Variants in CDK7 observed in about 807,000 individuals in gnomAD.
CDK7 encodes the protein cyclin-dependent kinase 7.
Under a neutral mutation model 49.1 loss-of-function variants are expected in CDK7, and 25 were observed. The ratio of observed to expected loss-of-function variants is 0.51; its 90% CI spans 0.37 to 0.71. The LOEUF is 0.71. Ranked by LOEUF, CDK7 falls within the 30% of genes least tolerant of loss-of-function variation. CDK7 has a pLI of 0.00. For synonymous variants in CDK7, 107 were observed against 140.0 expected (o/e 0.76, Z 1.67); for missense variants, 316 against 411.7 (o/e 0.77, Z 2.01).
chr5:69,244,570 A>G (rs1422050591), intron 2 of CDK7, among the ~76,000 whole-genome samples: 1 of 141,754 alleles, frequency 7.1e-6, no homozygotes, highest in African/African-American at 2.6e-5. Context: ...TGGGCGGTGG[A>G]GGTTGTGGTG....
At chr5:69,260,028 CATT>C in intron 7 of CDK7, 92 bp downstream of exon 7, 1 of 802,118 alleles carries the variant, frequency 1.2e-6, no homozygotes, top group African/African-American at 1.7e-5. Context: ...GTTAAGGAAT[CATT>C]GTTGATAGAT....
chr5:69,238,285 CT>C (rs11291825), intron 2 of CDK7, among the ~76,000 whole-genome samples: 69,733 of 129,588 alleles, frequency 0.54, 17,250 homozygotes, highest in South Asian at 0.61. Flanking sequence ...TTTTTTTTTC[CT>C]TTTTTTTTTT....
At chr5:69,267,611 T>G (rs568632817) in intron 8 of CDK7, among the ~76,000 whole-genome samples, 20 of 152,308 alleles carry the variant, frequency 1.3e-4, no homozygotes, top group African/African-American at 4.6e-4. Context: ...ATAAGGATTC[T>G]TTAATCATAA....
chr5:69,269,421 T>C (rs1236068951), intron 9 of CDK7, 128 bp downstream of exon 9: 2 of 572,274 alleles, frequency 3.5e-6, no homozygotes, highest in Non-Finnish European at 6.0e-6. Flanking sequence ...CTCAGAACAC[T>C]TTAAATGATA....
chr5:69,262,296 C>CT lies in CDK7; in HGVS notation c.621dup (p.Leu208SerfsTer13). The CT allele has an allele frequency of 6.2e-7, 1 of 1,614,042 alleles. No individual in the cohort carries two copies. The highest frequency in any genetic ancestry group is 8.5e-7 in the Non-Finnish European group (1 of 1,179,946). On this transcript the variant is annotated frameshift_variant, in exon 8 of 12. Coordinates refer to ENST00000256443, the MANE Select transcript of CDK7 (RefSeq NM_001799.4). LOFTEE classifies it high-confidence loss of function. The stretch of plus-strand genomic sequence containing the variant: ...TGTTGGCTGTATATTAGCAGAGTTA[C>CT]TTCTAAGGGTAAGTCTAAATTAATG...
intron 9 of CDK7, among the ~76,000 whole-genome samples, chr5:69,269,665 T>C (rs1751396779): frequency 6.6e-6 from 1 of 152,058 alleles, no homozygotes; most frequent in Non-Finnish European, 1.5e-5. Flanking sequence ...GAAGCCATTA[T>C]ATATATAAAA....
At chr5:69,256,529 T>G (rs1397303892) in intron 5 of CDK7, among the ~76,000 whole-genome samples, 1 of 151,724 alleles carries the variant, frequency 6.6e-6, no homozygotes, top group East Asian at 2.0e-4. Context: ...AAAATAGAGA[T>G]GGGGTTTCAC....
rs184363279 is a variant in CDK7, at chr5:69,241,107, G to A, written c.126+5654G>A. On this transcript the variant is annotated intron_variant, in intron 2 of 11. Transcript: ENST00000256443. ...TCTGTTGGCATATATACATAGCAAT[G>A]GAATTGCTAGATCAAATGATAGTTC... Among the ~76,000 whole-genome samples, 11 of 152,186 alleles carry A rather than the reference G, an allele frequency of 7.2e-5. No individual in the cohort carries two copies. The East Asian group carries it at 2.1e-3, about 29-fold the overall frequency.
chr5:69,247,868 T>C (rs1161741303), intron 2 of CDK7, among the ~76,000 whole-genome samples: 2 of 152,188 alleles, frequency 1.3e-5, no homozygotes, highest in African/African-American at 4.8e-5. Flanking sequence ...CTAATAAAAC[T>C]CTGCGTTTTA....
At chr5:69,253,600 G>C (rs1750290044) in intron 3 of CDK7, among the ~76,000 whole-genome samples, 1 of 152,054 alleles carries the variant, frequency 6.6e-6, no homozygotes. Context: ...ATTTGTATTG[G>C]AAAATATACT....
intron 8 of CDK7, among the ~76,000 whole-genome samples, chr5:69,264,374 A>T (rs1250667041): frequency 3.3e-5 from 5 of 152,192 alleles, no homozygotes; most frequent in Non-Finnish European, 7.3e-5. Context: ...TCTTTCATTA[A>T]CTAAAATCAA....
intron 2 of CDK7, among the ~76,000 whole-genome samples, chr5:69,248,594 G>C (rs1749911970): frequency 6.6e-6 from 1 of 151,938 alleles, no homozygotes. Flanking sequence ...CTCCATGTTG[G>C]TCAGGCTGGT....
chr5:69,244,123 T>A (rs1749573604), intron 2 of CDK7, among the ~76,000 whole-genome samples: 2 of 152,132 alleles, frequency 1.3e-5, no homozygotes, highest in Admixed American at 6.6e-5. Context: ...TGAGCCACCA[T>A]ACCCGTTCAG....
At chr5:69,254,395 G>A (rs562036337) in intron 3 of CDK7, among the ~76,000 whole-genome samples, 2 of 151,794 alleles carry the variant, frequency 1.3e-5, no homozygotes, top group African/African-American at 4.8e-5. Context: ...GGTGGCGCGT[G>A]CCTGTAATCC....
chr5:69,247,403 C>T (rs1429974821), intron 2 of CDK7, among the ~76,000 whole-genome samples: 1 of 151,540 alleles, frequency 6.6e-6, no homozygotes, highest in Non-Finnish European at 1.5e-5. Context: ...TACTCCTGTT[C>T]TTTTTTGGTT....
rs1184687649 is a variant in CDK7, at chr5:69,272,935, C to T, written c.758C>T (p.Pro253Leu). The change falls in exon 10 of 12, where the codon CCT becomes CTT. Residue 253 changes from proline (P) to leucine (L), a missense_variant. Pro to Leu is a moderately conservative substitution (Grantham distance 98). Transcript: ENST00000256443. ...LPDYVTFKSF[P>L]GIPLHHIFSA... is the part of the protein sequence containing the mutation. ...GATTATGTGACATTTAAGAGTTTCC[C>T]TGGAATACCTTTGCATCACATCTTC... 3 of 1,594,050 alleles carry T rather than the reference C, an allele frequency of 1.9e-6. No homozygotes were observed. Among genetic ancestry groups the T allele is most frequent in the Non-Finnish European group, 2.6e-6 (3 of 1,169,002 alleles).
intron 3 of CDK7, 79 bp from the exon 4 acceptor site, chr5:69,254,521 CAA>C (rs35239844): frequency 0.024 from 11,300 of 468,284 alleles, no homozygotes; most frequent in South Asian, 0.03. Context: ...GACTCCATCT[CAA>C]AAAAAAAAAA....
intron 2 of CDK7, among the ~76,000 whole-genome samples, chr5:69,238,653 T>TA (rs1749165617): frequency 6.9e-6 from 1 of 145,344 alleles, no homozygotes; most frequent in South Asian, 2.2e-4. Flanking sequence ...TATTCTTTTT[T>TA]TTTTATTTTA....
At chr5:69,248,380 T>C (rs1749893775) in intron 2 of CDK7, among the ~76,000 whole-genome samples, 1 of 152,044 alleles carries the variant, frequency 6.6e-6, no homozygotes, top group South Asian at 2.1e-4. Flanking sequence ...TTCTTTTTCT[T>C]TTCTTTTTTT....
Sources: gnomAD v4.1 joint callset for allele counts (sites outside exome capture counted in the v4.1 genomes callset) on GRCh38, gnomAD v4.1.1 for gene constraint, MANE v1.5 for transcripts, NCBI Gene and HGNC (gene_info 2026-07-23, HGNC 2026-07-21) for gene names.